Variants in NKAIN2 observed in about 807,000 individuals in gnomAD.
NKAIN2 encodes the protein sodium/potassium transporting ATPase interacting 2, also known as sodium/potassium-transporting ATPase subunit beta-1-interacting protein 2.
Under a neutral mutation model 32.6 loss-of-function variants are expected in NKAIN2, and 14 were observed. The observed-to-expected ratio is 0.43, with a 90% CI of 0.28 to 0.67. NKAIN2 has a LOEUF of 0.67. Ranked by LOEUF, NKAIN2 falls within the 30% of genes least tolerant of loss-of-function variation. NKAIN2 has a pLI of 0.17. For synonymous variants in NKAIN2, 80 were observed against 87.2 expected, an observed-to-expected ratio of 0.92 and a Z score of 0.46; for missense variants, 198 against 258.3, an observed-to-expected ratio of 0.77 and a Z score of 1.60.
chr6:123,997,499 G>A (rs1582903259), intron 1 of NKAIN2, among the ~76,000 whole-genome samples: 2 of 151,818 alleles, frequency 1.3e-5, no homozygotes, highest in East Asian at 3.9e-4. Context: ...CACTGAGACA[G>A]CCAACAGTCA....
intron 3 of NKAIN2, among the ~76,000 whole-genome samples, chr6:124,412,076 G>A (rs190811996): frequency 1.1e-3 from 163 of 150,636 alleles, no homozygotes; most frequent in East Asian, 4.3e-3. Context: ...CTATTTATCC[G>A]TTCATCTAAT....
intron 2 of NKAIN2, among the ~76,000 whole-genome samples, chr6:124,296,540 G>T (rs956846581): frequency 6.6e-6 from 1 of 152,110 alleles, no homozygotes; most frequent in African/African-American, 2.4e-5. Context: ...TTCATAAAAT[G>T]AGGTATGTAA....
At chr6:124,662,203 T>A in intron 4 of NKAIN2, among the ~76,000 whole-genome samples, 1 of 152,212 alleles carries the variant, frequency 6.6e-6, no homozygotes, top group East Asian at 1.9e-4. Context: ...TGAAGAGGGA[T>A]GTGCCTCACA....
chr6:124,807,231 AG>A (rs985559805), intron 5 of NKAIN2, among the ~76,000 whole-genome samples: 1 of 152,210 alleles, frequency 6.6e-6, no homozygotes, highest in Non-Finnish European at 1.5e-5. Flanking sequence ...TTGACCACAT[AG>A]TTGGAAGTAA....
intron 1 of NKAIN2, among the ~76,000 whole-genome samples, chr6:124,189,057 G>A (rs1279019289): frequency 6.6e-6 from 1 of 152,058 alleles, no homozygotes; most frequent in African/African-American, 2.4e-5. Context: ...TTAAATGACA[G>A]CCACATCATC....
intron 1 of NKAIN2, among the ~76,000 whole-genome samples, chr6:123,850,699 C>T (rs1440748269): frequency 2.6e-5 from 4 of 152,092 alleles, no homozygotes; most frequent in Non-Finnish European, 1.5e-5. Flanking sequence ...AGCGAATGAA[C>T]GTATGCATTA....
In NKAIN2 at chr6:124,823,541, A is replaced by T. The variant is rs1267318347; in HGVS notation, c.*312A>T. ...GGAAAGTTCAGAAGGAGATGTGTTGATGCCCAACGGTTGCCGGCCATTGCT... is the reference window on the plus strand; with the variant it reads ...GGAAAGTTCAGAAGGAGATGTGTTGTTGCCCAACGGTTGCCGGCCATTGCT... On this transcript the variant is annotated 3_prime_UTR_variant, in exon 7 of 7. Transcript: ENST00000368417. 1.2e-5 allele frequency: 4 copies of T among 332,672 alleles called. No individual in the cohort carries two copies. Among genetic ancestry groups the T allele is most frequent in the African/African-American group, 8.3e-5 (4 of 48,232 alleles). The allele number at this position is 332,672 out of a possible 1,614,324, so 20.6% of individuals were successfully genotyped here.
intron 1 of NKAIN2, among the ~76,000 whole-genome samples, chr6:124,233,142 T>G (rs778599449): frequency 3.9e-5 from 6 of 152,100 alleles, no homozygotes; most frequent in Non-Finnish European, 7.4e-5. Flanking sequence ...AAATTTTGTA[T>G]TATATATTGC....
intron 3 of NKAIN2, among the ~76,000 whole-genome samples, chr6:124,457,253 A>G (rs1776358575): frequency 6.6e-6 from 1 of 151,978 alleles, no homozygotes; most frequent in African/African-American, 2.4e-5. Flanking sequence ...GCTGAGAATC[A>G]ATCCCCTTGT....
At chr6:124,256,751 A>G (rs1015418528) in intron 1 of NKAIN2, among the ~76,000 whole-genome samples, 2 of 152,164 alleles carry the variant, frequency 1.3e-5, no homozygotes, top group African/African-American at 4.8e-5. Flanking sequence ...GATATTTCTG[A>G]TACATTGTAA....
chr6:124,121,755 A>C (rs1785891996), intron 1 of NKAIN2: 2 of 209,600 alleles, frequency 9.5e-6, no homozygotes, highest in Non-Finnish European at 2.0e-5. Context: ...CATGCTGTGA[A>C]GTTTATTTTA....
chr6:124,408,429 C>T (rs1031066747), intron 3 of NKAIN2, among the ~76,000 whole-genome samples: 14 of 152,262 alleles, frequency 9.2e-5, no homozygotes, highest in Non-Finnish European at 1.6e-4. Context: ...AGCCAGTTTT[C>T]CCAGCACCAT....
chr6:124,059,094 T>TAA (rs148637808), intron 1 of NKAIN2, among the ~76,000 whole-genome samples: 6 of 148,746 alleles, frequency 4.0e-5, no homozygotes, highest in South Asian at 2.1e-4. Context: ...TGGAAAGTGG[T>TAA]AAAAAAAAAA....
At chr6:123,810,079 C>T (rs1562193010) in intron 1 of NKAIN2, among the ~76,000 whole-genome samples, 1 of 149,588 alleles carries the variant, frequency 6.7e-6, no homozygotes, top group South Asian at 2.1e-4. Flanking sequence ...GTTTTTTTTT[C>T]CCCCCACTGA....
chr6:124,769,625 A>G (rs769773646), intron 4 of NKAIN2, among the ~76,000 whole-genome samples: 78 of 152,160 alleles, frequency 5.1e-4, no homozygotes, highest in Non-Finnish European at 8.2e-4. Flanking sequence ...CAAGCAATGC[A>G]CCTAAACGAT....
chr6:124,604,818 C>T (rs1782438903), intron 3 of NKAIN2, among the ~76,000 whole-genome samples: 1 of 151,914 alleles, frequency 6.6e-6, no homozygotes, highest in Non-Finnish European at 1.5e-5. Context: ...AAGCTCTAGG[C>T]TCAGTGGCCT....
chr6:124,102,846 G>T (rs904088942), intron 1 of NKAIN2, among the ~76,000 whole-genome samples: 1 of 152,076 alleles, frequency 6.6e-6, no homozygotes, highest in Non-Finnish European at 1.5e-5. Context: ...TAAAACACTT[G>T]TAAGGGGGGC....
chr6:124,226,316 G>C (rs117303764), intron 1 of NKAIN2, among the ~76,000 whole-genome samples: 1 of 151,914 alleles, frequency 6.6e-6, no homozygotes, highest in Non-Finnish European at 1.5e-5. Context: ...TTTCTCATCA[G>C]CATCTGCCTA....
intron 1 of NKAIN2, among the ~76,000 whole-genome samples, chr6:124,115,252 T>C (rs190212897): frequency 5.8e-3 from 885 of 152,192 alleles, no homozygotes; most frequent in Non-Finnish European, 9.6e-3. Context: ...CAATAAATTT[T>C]TTCAAAAAGG....
Sources: allele counts gnomAD v4.1 joint callset (sites outside exome capture counted in the v4.1 genomes callset), GRCh38; gene constraint gnomAD v4.1.1; transcripts MANE v1.5; gene names NCBI Gene and HGNC (gene_info 2026-07-23, HGNC 2026-07-21).